The following PALMD variants were observed in gnomAD, a reference collection of about 807,000 sequenced individuals.
PALMD encodes the protein paralemmin-like protein.
Under a neutral mutation model 56.2 loss-of-function variants are expected in PALMD, and 42 were observed. The ratio of observed to expected loss-of-function variants is 0.75; its 90% confidence interval spans 0.58 to 0.97. The LOEUF (loss-of-function observed/expected upper bound fraction) is 0.97. PALMD is among the 50% of genes least tolerant of loss of function. PALMD has a pLI of 0.00. For synonymous variants in PALMD, 242 were observed against 222.9 expected, an observed-to-expected ratio of 1.09 and a Z score of -0.76; for missense variants, 660 against 643.8, an observed-to-expected ratio of 1.03 and a Z score of -0.27.
intron 2 of PALMD, among the ~76,000 whole-genome samples, chr1:99,666,849 T>A (rs915702887): frequency 6.6e-6 from 1 of 152,222 alleles, no homozygotes; most frequent in Admixed American, 6.5e-5. Context: ...CTTAGGTCTT[T>A]AAACTCCAGG....
At chr1:99,665,064 T>C (rs945953316) in intron 2 of PALMD, among the ~76,000 whole-genome samples, 12 of 152,126 alleles carry the variant, frequency 7.9e-5, no homozygotes, top group Non-Finnish European at 1.8e-4. Flanking sequence ...TGCCTAGTAA[T>C]ATGATCACAA....
At position 99,689,461 on chromosome 1, in the gene PALMD, C is replaced by T. The variant is rs1653605226; in HGVS notation, c.1201C>T (p.His401Tyr). 1 of 1,613,580 alleles carries T rather than the reference C, an allele frequency of 6.2e-7. No individual in the cohort carries two copies. The highest frequency in any genetic ancestry group is 8.5e-7 in the Non-Finnish European group (1 of 1,179,794). The stretch of plus-strand genomic sequence containing the variant: ...GGAAGATGTCAGATATAATATCGTT[C>T]ATTCCCTGCCTCCAGACATAAATGA... ...DEEDVRYNIV[H>Y]SLPPDINDTE... Residue 401 changes from histidine (H) to tyrosine (Y), a missense_variant, in exon 7 of 8, where the codon CAT becomes TAT. Transcript: ENST00000263174.
intron 1 of PALMD, among the ~76,000 whole-genome samples, chr1:99,656,945 A>T (rs1206074282): frequency 6.6e-6 from 1 of 152,224 alleles, no homozygotes; most frequent in Non-Finnish European, 1.5e-5. Context: ...TTTATTTGAA[A>T]TAACACGGTT....
At chr1:99,661,685 T>C (rs1259421111) in intron 1 of PALMD, among the ~76,000 whole-genome samples, 2 of 152,234 alleles carry the variant, frequency 1.3e-5, no homozygotes, top group South Asian at 2.1e-4. Context: ...GTAGTTATGC[T>C]TTCTGGGTTG....
chr1:99,689,899 T>A, intron 7 of PALMD, 27 bp downstream of exon 7: 1 of 1,559,248 alleles, frequency 6.4e-7, no homozygotes, highest in African/African-American at 1.4e-5. Flanking sequence ...GGCATGCCAC[T>A]GCTGTTCAGT....
At chr1:99,667,926 T>G in intron 3 of PALMD, 160 bp downstream of exon 3, 1 of 617,686 alleles carries the variant, frequency 1.6e-6, no homozygotes, top group Non-Finnish European at 2.8e-6. Context: ...TCACCCAGGC[T>G]GGAGTGCAGT....
At chr1:99,671,468 T>A (rs1203429193) in intron 3 of PALMD, among the ~76,000 whole-genome samples, 1 of 152,126 alleles carries the variant, frequency 6.6e-6, no homozygotes, top group African/African-American at 2.4e-5. Context: ...GCCTGACACA[T>A]GGAGGTGTAC....
At chr1:99,683,046 AAGAAAGAAAG>A (rs1378957417) in intron 3 of PALMD, among the ~76,000 whole-genome samples, 5 of 19,148 alleles carry the variant, frequency 2.6e-4, no homozygotes, top group East Asian at 2.7e-3. Context: ...GAAAGAAAGA[AAGAAAGAAAG>A]AGAGAGAGAG....
At chr1:99,656,583 G>A (rs1488126884) in intron 1 of PALMD, among the ~76,000 whole-genome samples, 1 of 152,038 alleles carries the variant, frequency 6.6e-6, no homozygotes, top group East Asian at 1.9e-4. Context: ...GCACTAACTT[G>A]CCCCTTCCAA....
At chr1:99,685,957 AAC>A in intron 3 of PALMD, 1 of 152,278 alleles carries the variant, frequency 6.6e-6, no homozygotes, top group South Asian at 2.1e-4. Flanking sequence ...GAATGCTTGC[AAC>A]AGTCTAGTTT....
intron 1 of PALMD, among the ~76,000 whole-genome samples, chr1:99,653,642 A>G (rs1652647162): frequency 6.6e-6 from 1 of 152,176 alleles, no homozygotes; most frequent in African/African-American, 2.4e-5. Context: ...AAGAAAATGT[A>G]GAAACTTCTT....
At chr1:99,677,143 C>G (rs934348660) in intron 3 of PALMD, among the ~76,000 whole-genome samples, 1 of 152,050 alleles carries the variant, frequency 6.6e-6, no homozygotes, top group Non-Finnish European at 1.5e-5. Flanking sequence ...TTTTTAGAAA[C>G]ACATAAATCC....
chr1:99,687,092 C>A lies in PALMD; in HGVS notation c.417C>A (p.Ile139=). The A allele has an allele frequency of 1.9e-6, 3 of 1,594,910 alleles. No individual in the cohort carries two copies. Among genetic ancestry groups the A allele is most frequent in the African/African-American group, 1.3e-5 (1 of 74,372 alleles). Residue 139 remains isoleucine, a synonymous_variant, in exon 6 of 8, where the codon ATC becomes ATA. Coordinates refer to ENST00000263174, the MANE Select transcript of PALMD (RefSeq NM_017734.5). The part of the protein sequence containing the change: ...EERAEESIED[I]YANIPDLPKS... ...ATTTTACAGAGTCAATTGAGGACAT[C>A]TATGCTAATATCCCTGACCTTCCAA...
intron 3 of PALMD, chr1:99,684,759 T>C (rs1304789342): frequency 6.6e-6 from 1 of 152,374 alleles, no homozygotes; most frequent in Non-Finnish European, 1.5e-5. Flanking sequence ...TCAAGCAATC[T>C]TCCTGCCTCA....
chr1:99,686,567 G>C, intron 3 of PALMD, 109 bp from the exon 4 acceptor site: 1 of 588,776 alleles, frequency 1.7e-6, no homozygotes, highest in Non-Finnish European at 3.0e-6. Flanking sequence ...AAAGTGTCTG[G>C]CTACTTACAT....
chr1:99,682,479 T>C (rs537950428), intron 3 of PALMD, among the ~76,000 whole-genome samples: 1 of 152,274 alleles, frequency 6.6e-6, no homozygotes, highest in Non-Finnish European at 1.5e-5. Context: ...CCTTCAAAAA[T>C]ATTCATTAAC....
At position 99,694,169 on chromosome 1, in the gene PALMD, C is replaced by G; in HGVS notation, c.*107C>G. ...TTTTTTCTGAAGTCCAAAAAATTAT[C>G]ATTACAGTGTACCATATTAAGCCAT... On this transcript the variant is annotated 3_prime_UTR_variant, in exon 8 of 8. Transcript: ENST00000263174. 1.4e-6 allele frequency: 1 copy of G among 731,032 alleles called. No homozygotes were observed. Among genetic ancestry groups the G allele is most frequent in the South Asian group, 1.7e-5 (1 of 57,774 alleles). 45.3% of individuals were successfully genotyped at this position (731,032 alleles called of 1,614,324 possible).
At chr1:99,693,989 T>C (rs747645910) in intron 7 of PALMD, 30 bp from the exon 8 acceptor site, 22 of 1,532,700 alleles carry the variant, frequency 1.4e-5, no homozygotes, top group Non-Finnish European at 1.9e-5. Context: ...ATTTTTTTTA[T>C]AACTCTCTTT....
chr1:99,665,100 T>G (rs950497276), intron 2 of PALMD, among the ~76,000 whole-genome samples: 1 of 152,080 alleles, frequency 6.6e-6, no homozygotes, highest in African/African-American at 2.4e-5. Context: ...AAACACAAAA[T>G]ACAGTCAATC....
Sources: allele counts gnomAD v4.1 joint callset (sites outside exome capture counted in the v4.1 genomes callset), GRCh38; gene constraint gnomAD v4.1.1; transcripts MANE v1.5; gene names NCBI Gene and HGNC (gene_info 2026-07-23, HGNC 2026-07-21).